The following HLA-DRA variants were observed in gnomAD, a reference collection of about 807,000 sequenced individuals.
HLA-DRA encodes HLA class II histocompatibility antigen, DR alpha chain.
HLA-DRA carries 8 observed loss-of-function variants against 22.1 expected under a neutral mutation model. The observed-to-expected ratio is 0.36, with a 90% CI of 0.21 to 0.65. HLA-DRA has a LOEUF of 0.65. Ranked by LOEUF, HLA-DRA falls within the 30% of genes least tolerant of loss-of-function variation. HLA-DRA has a pLI of 0.63. For missense variants in HLA-DRA, 248 were observed against 321.3 expected (o/e 0.77, Z 1.74); for synonymous variants, 101 against 117.1 (o/e 0.86, Z 0.89).
In HLA-DRA at chr6:32,443,748, C is replaced by T. The variant is rs371727409; in HGVS notation, c.611-8C>T. On this transcript the variant is annotated splice_polypyrimidine_tract_variant and splice_region_variant and intron_variant, in intron 3 of 4. Transcript: ENST00000395388. ...CATTACCATGTACTCTGCCTTATTT[C>T]CCCCCAGAGTTTGATGCTCCAAGCC... is the stretch of plus-strand genomic sequence containing the variant. 2.2e-5 allele frequency: 34 copies of T among 1,572,068 alleles called. No homozygotes were observed. Among genetic ancestry groups the T allele is most frequent in the Non-Finnish European group, 2.9e-5 (34 of 1,161,644 alleles).
At position 32,443,415 on chromosome 6, in the gene HLA-DRA, G is replaced by A. The variant is rs770825671; in HGVS notation, c.559G>A (p.Asp187Asn). 51 of 1,612,892 alleles carry A rather than the reference G, an allele frequency of 3.2e-5. No homozygotes were observed. The highest frequency in any genetic ancestry group is 9.3e-5 in the African/African-American group (7 of 74,902). The change falls in exon 3 of 5, where the codon GAC (aspartate) becomes AAC (asparagine). Residue 187 changes from aspartate (D) to asparagine (N), a missense_variant. Transcript: ENST00000395388. Reference sequence around the variant, plus strand: ...CCTGCCCTCAACTGAGGACGTTTACGACTGCAGGGTGGAGCACTGGGGCTT... The same window carrying A: ...CCTGCCCTCAACTGAGGACGTTTACAACTGCAGGGTGGAGCACTGGGGCTT... The part of the protein sequence containing the change: ...PFLPSTEDVY[D>N]CRVEHWGLDE...
chr6:32,443,105 C>T (rs1762719208), intron 2 of HLA-DRA, 80 bp from the exon 3 acceptor site: 1 of 1,288,890 alleles, frequency 7.8e-7, no homozygotes. Flanking sequence ...ACGTTTGTAC[C>T]ACAATTGAGC....
intron 1 of HLA-DRA, among the ~76,000 whole-genome samples, chr6:32,440,984 G>A (rs1240363211): frequency 6.6e-6 from 1 of 152,244 alleles, no homozygotes; most frequent in Non-Finnish European, 1.5e-5. Context: ...TGAAGAGGCA[G>A]CTAGTATATT....
chr6:32,443,774 C>T lies in HLA-DRA; in HGVS notation c.629C>T (p.Pro210Leu). 7 of 1,601,464 alleles carry T rather than the reference C, an allele frequency of 4.4e-6. No homozygotes were observed. Among genetic ancestry groups the T allele is most frequent in the Middle Eastern group, 1.7e-4 (1 of 6,008 alleles). Residue 210 changes from proline to leucine, a missense_variant, in exon 4 of 5, where the codon CCT becomes CTT. Physicochemically the swap from Pro to Leu is moderately conservative, Grantham distance 98. Transcript: ENST00000395388. ...LKHWEFDAPS[P>L]LPETTENVVC... The stretch of plus-strand genomic sequence containing the variant: ...CCCCCAGAGTTTGATGCTCCAAGCC[C>T]TCTCCCAGAGACTACAGAGAACGTG...
In HLA-DRA at chr6:32,443,432, C is replaced by G; in HGVS notation, c.576C>G (p.His192Gln). Residue 192 changes from histidine (H) to glutamine (Q), a missense_variant, in exon 3 of 5, where the codon CAC becomes CAG. By Grantham distance (24) the His-to-Gln change is conservative. Coordinates refer to ENST00000395388, the MANE Select transcript of HLA-DRA (RefSeq NM_019111.5). ...ACGTTTACGACTGCAGGGTGGAGCA[C>G]TGGGGCTTGGATGAGCCTCTTCTCA... ...TEDVYDCRVE[H>Q]WGLDEPLLKH... is the part of the protein sequence containing the mutation. The G allele has an allele frequency of 1.2e-6, 2 of 1,613,024 alleles. No homozygotes were observed. Among genetic ancestry groups the G allele is most frequent in the Non-Finnish European group, 8.5e-7 (1 of 1,179,982 alleles).
rs760090319 is a variant in HLA-DRA, at chr6:32,442,642, G to A, written c.277G>A (p.Ala93Thr). Residue 93 changes from alanine (A) to threonine (T), a missense_variant, in exon 2 of 5, where the codon GCC becomes ACC. Transcript: ENST00000395388. ...ATTGGCCAACATAGCTGTGGACAAA[G>A]CCAACCTGGAAATCATGACAAAGCG... ...GALANIAVDK[A>T]NLEIMTKRSN... The A allele has an allele frequency of 6.2e-7, 1 of 1,613,068 alleles. No homozygotes were observed. Among genetic ancestry groups the A allele is most frequent in the South Asian group, 1.1e-5 (1 of 91,078 alleles).
Position 32,443,803 on chromosome 6 carries a change from T to C in HLA-DRA, c.658T>C (p.Cys220Arg), listed in dbSNP as rs1762769270. 1 of 1,611,790 alleles carries C rather than the reference T, an allele frequency of 6.2e-7. No homozygotes were observed. The highest frequency in any genetic ancestry group is 8.5e-7 in the Non-Finnish European group (1 of 1,179,484). The stretch of plus-strand genomic sequence containing the variant: ...CCCAGAGACTACAGAGAACGTGGTG[T>C]GTGCCCTGGGCCTGACTGTGGGTCT... ...PLPETTENVVCALGLTVGLVG... is the reference protein window; with the variant it reads ...PLPETTENVVRALGLTVGLVG... The change falls in exon 4 of 5, where the codon TGT becomes CGT. Residue 220 changes from cysteine (C) to arginine (R), a missense_variant. Physicochemically the swap from Cys to Arg is radical, Grantham distance 180. Coordinates refer to ENST00000395388, the MANE Select transcript of HLA-DRA (RefSeq NM_019111.5).
At chr6:32,440,173 T>C in intron 1 of HLA-DRA, 141 bp downstream of exon 1, 2 of 817,162 alleles carry the variant, frequency 2.4e-6, no homozygotes, top group Non-Finnish European at 4.1e-6. Flanking sequence ...GTATAACAAA[T>C]TGTGGTTTGG....
intron 1 of HLA-DRA, 115 bp from the exon 2 acceptor site, chr6:32,442,333 A>C (rs1762669835): frequency 1.6e-6 from 2 of 1,251,820 alleles, no homozygotes; most frequent in Non-Finnish European, 2.3e-6. Flanking sequence ...TCATTCTTTC[A>C]TTCCTCTTGG....
rs1177981886 is a variant in HLA-DRA, at chr6:32,442,611, A to C, written c.246A>C (p.Gln82His). The change falls in exon 2 of 5, where the codon CAA becomes CAC. Residue 82 changes from glutamine (Q) to histidine (H), a missense_variant. Coordinates refer to ENST00000395388, the MANE Select transcript of HLA-DRA (RefSeq NM_019111.5). ...GACGATTTGCCAGCTTTGAGGCTCAAGGTGCATTGGCCAACATAGCTGTGG... is the reference window on the plus strand; with the variant it reads ...GACGATTTGCCAGCTTTGAGGCTCACGGTGCATTGGCCAACATAGCTGTGG... ...EFGRFASFEA[Q>H]GALANIAVDK... 5.6e-6 allele frequency: 9 copies of C among 1,613,104 alleles called. No homozygotes were observed. The highest frequency in any genetic ancestry group is 7.6e-6 in the Non-Finnish European group (9 of 1,180,042).
rs754838655 is a variant in HLA-DRA, at chr6:32,442,682, C to T, written c.317C>T (p.Pro106Leu). The T allele has an allele frequency of 1.3e-5, 21 of 1,612,924 alleles. No individual in the cohort carries two copies. The highest frequency in any genetic ancestry group is 1.6e-4 in the Middle Eastern group (1 of 6,084). The change falls in exon 2 of 5, where the codon CCG becomes CTG. Residue 106 changes from proline to leucine, a missense_variant. Physicochemically the swap from Pro to Leu is moderately conservative, Grantham distance 98. Transcript: ENST00000395388. ...ATGACAAAGCGCTCCAACTATACTC[C>T]GATCACCAATGGTACCTCCCTCTCT... is the stretch of plus-strand genomic sequence containing the variant. Reference protein sequence around the residue: ...EIMTKRSNYTPITNVPPEVTV... With the variant: ...EIMTKRSNYTLITNVPPEVTV...
intron 1 of HLA-DRA, 71 bp downstream of exon 1, chr6:32,440,103 G>A (rs1187493071): frequency 8.0e-7 from 1 of 1,249,870 alleles, no homozygotes; most frequent in Non-Finnish European, 1.2e-6. Context: ...ATGGACATTT[G>A]GAAGATAATG....
At chr6:32,442,312 C>G in intron 1 of HLA-DRA, 136 bp from the exon 2 acceptor site, 1 of 1,035,134 alleles carries the variant, frequency 9.7e-7, no homozygotes, top group Non-Finnish European at 1.5e-6. Context: ...GTCACTCATC[C>G]CTACTCGCCA....
At chr6:32,443,970 AG>A in intron 4 of HLA-DRA, 49 bp downstream of exon 4, 1 of 1,347,696 alleles carries the variant, frequency 7.4e-7, no homozygotes, top group Admixed American at 2.5e-5. Context: ...TATCTGAGGG[AG>A]GAAAACAGGG....
At chr6:32,440,327 T>C (rs1691843326) in intron 1 of HLA-DRA, among the ~76,000 whole-genome samples, 6 of 152,172 alleles carry the variant, frequency 3.9e-5, no homozygotes, top group Admixed American at 3.9e-4. Flanking sequence ...GAATATTTTC[T>C]GGCAAGCATT....
intron 2 of HLA-DRA, 89 bp from the exon 3 acceptor site, chr6:32,443,096 C>A: frequency 1.7e-6 from 2 of 1,199,228 alleles, no homozygotes; most frequent in Non-Finnish European, 2.4e-6. Context: ...TTTTTAGATA[C>A]GTTTGTACCA....
chr6:32,443,817 G>C lies in HLA-DRA; in HGVS notation c.672G>C (p.Leu224=). Residue 224 remains leucine, a synonymous_variant, in exon 4 of 5, where the codon CTG becomes CTC. Coordinates refer to ENST00000395388, the MANE Select transcript of HLA-DRA (RefSeq NM_019111.5). The part of the protein sequence containing the change: ...TTENVVCALG[L]TVGLVGIIIG... ...AGAACGTGGTGTGTGCCCTGGGCCTGACTGTGGGTCTGGTGGGCATCATTA... is the reference window on the plus strand; with the variant it reads ...AGAACGTGGTGTGTGCCCTGGGCCTCACTGTGGGTCTGGTGGGCATCATTA... 6.2e-7 allele frequency: 1 copy of C among 1,612,360 alleles called. No individual in the cohort carries two copies. The highest frequency in any genetic ancestry group is 8.5e-7 in the Non-Finnish European group (1 of 1,179,740).
chr6:32,442,330 T>G, intron 1 of HLA-DRA, 118 bp from the exon 2 acceptor site: 1 of 1,224,870 alleles, frequency 8.2e-7, no homozygotes, highest in African/African-American at 1.5e-5. Context: ...CCATCATTCT[T>G]TCATTCCTCT....
At chr6:32,441,549 T>A (rs1309518294) in intron 1 of HLA-DRA, among the ~76,000 whole-genome samples, 2 of 152,194 alleles carry the variant, frequency 1.3e-5, no homozygotes. Context: ...TCTTCCATAA[T>A]AACAGTCCCA....
Sources: allele counts gnomAD v4.1 joint callset (sites outside exome capture counted in the v4.1 genomes callset), GRCh38; gene constraint gnomAD v4.1.1; transcripts MANE v1.5; gene names NCBI Gene and HGNC (gene_info 2026-07-23, HGNC 2026-07-21).